The following ANKRD44 variants were observed in gnomAD, a reference collection of about 807,000 sequenced individuals.
ANKRD44 encodes ankyrin repeat domain 44, also known as serine/threonine-protein phosphatase 6 regulatory ankyrin repeat subunit B.
ANKRD44 carries 35 observed loss-of-function variants against 116.0 expected under a neutral mutation model. The observed-to-expected ratio is 0.30, with a 90% confidence interval of 0.23 to 0.40. The LOEUF (loss-of-function observed/expected upper bound fraction) is 0.40. Ranked by LOEUF, ANKRD44 falls within the 10% of genes least tolerant of loss-of-function variation. The pLI is 1.00. For synonymous variants in ANKRD44, 435 were observed against 461.8 expected, an observed-to-expected ratio of 0.94 and a Z score of 0.74; for missense variants, 1,014 against 1,242.6, an observed-to-expected ratio of 0.82 and a Z score of 2.77.
Position 197,186,632 on chromosome 2 carries a change from T to C in ANKRD44, c.111+391A>G, listed in dbSNP as rs867771222. Among the ~76,000 whole-genome samples, 88 of 119,190 alleles carry C rather than the reference T, an allele frequency of 7.4e-4. 2 individuals are homozygous for C. The highest frequency in any genetic ancestry group is 2.6e-3 in the African/African-American group (73 of 28,160). 78.2% of individuals were successfully genotyped at this position (119,190 alleles called of 152,430 possible). On this transcript the variant is annotated intron_variant, in intron 2 of 27. Coordinates refer to ENST00000282272, the MANE Select transcript of ANKRD44 (RefSeq NM_001195144.2). ...TTTTTCTTTTTTTTTTTTTTTTTTT[T>C]TTTTTTTTTTTTTTTAGAGACAGAG...
In ANKRD44 at chr2:197,099,926, A is replaced by C; in HGVS notation, c.990T>G (p.Gly330=). 1 of 1,613,756 alleles carries C rather than the reference A, an allele frequency of 6.2e-7. No individual in the cohort carries two copies. Among genetic ancestry groups the C allele is most frequent in the Non-Finnish European group, 8.5e-7 (1 of 1,179,844 alleles). ...TRSQTLIQNG[G]EIDCVDKDGN... is the part of the protein sequence containing the mutation. ...CGTCCTTATCCACACAGTCAATTTC[A>C]CCTCCTGAAAGAGATATTTTAATAC... Residue 330 remains glycine (G), a synonymous_variant, in exon 10 of 28, where the codon GGT becomes GGG. Coordinates refer to ENST00000282272, the MANE Select transcript of ANKRD44 (RefSeq NM_001195144.2).
chr2:196,969,750 T>C (rs547722353), intron 21 of ANKRD44, among the ~76,000 whole-genome samples: 1 of 152,352 alleles, frequency 6.6e-6, no homozygotes, highest in Non-Finnish European at 1.5e-5. Context: ...TTGGAATGCA[T>C]AAATAAGGAT....
intron 7 of ANKRD44, 92 bp downstream of exon 7, chr2:197,122,558 C>T: frequency 6.8e-7 from 1 of 1,481,408 alleles, no homozygotes; most frequent in Admixed American, 2.2e-5. Flanking sequence ...TTCCCCTGCC[C>T]TTGAATTAAA....
intron 17 of ANKRD44, among the ~76,000 whole-genome samples, chr2:197,024,345 C>A (rs2076550843): frequency 6.6e-6 from 1 of 152,236 alleles, no homozygotes; most frequent in African/African-American, 2.4e-5. Flanking sequence ...CAAACACCAT[C>A]TTTGTGGCCT....
In ANKRD44 at chr2:197,136,585, C is replaced by T. The variant is rs765461849; in HGVS notation, c.261+7G>A. 1 of 1,613,240 alleles carries T rather than the reference C, an allele frequency of 6.2e-7. No individual in the cohort carries two copies. Among genetic ancestry groups the T allele is most frequent in the South Asian group, 1.1e-5 (1 of 91,056 alleles). On this transcript the variant is annotated splice_region_variant and intron_variant, in intron 4 of 27. Transcript: ENST00000282272. The stretch of plus-strand genomic sequence containing the variant: ...TAGGTATTAGATTAAATATGGTAAT[C>T]ACTCACTTCACTTCTGGAAGCAACA...
At chr2:196,977,527 T>C (rs1258688595) in intron 21 of ANKRD44, among the ~76,000 whole-genome samples, 2 of 152,190 alleles carry the variant, frequency 1.3e-5, no homozygotes, top group Non-Finnish European at 2.9e-5. Flanking sequence ...GATTTAAAAA[T>C]GGGCAAAGGA....
chr2:197,190,702 A>G (rs975974241), intron 1 of ANKRD44, among the ~76,000 whole-genome samples: 1 of 152,216 alleles, frequency 6.6e-6, no homozygotes, highest in African/African-American at 2.4e-5. Flanking sequence ...TAAGGCAAAG[A>G]ATATTCTAAT....
intron 16 of ANKRD44, among the ~76,000 whole-genome samples, chr2:197,036,071 A>G (rs868003390): frequency 6.6e-6 from 1 of 152,266 alleles, no homozygotes. Flanking sequence ...TTCCACTCAC[A>G]TCCTTCACAG....
chr2:197,236,040 A>C (rs1437947823), intron 1 of ANKRD44, among the ~76,000 whole-genome samples: 1 of 152,212 alleles, frequency 6.6e-6, no homozygotes, highest in Non-Finnish European at 1.5e-5. Context: ...ACTTGATGGG[A>C]ACAGGACCAG....
intron 1 of ANKRD44, among the ~76,000 whole-genome samples, chr2:197,200,443 A>G (rs2081067595): frequency 1.3e-5 from 2 of 152,142 alleles, no homozygotes; most frequent in African/African-American, 4.8e-5. Context: ...GTCCTGAGTT[A>G]CAGCATTTCT....
chr2:197,216,844 G>C (rs1394091027), intron 1 of ANKRD44, among the ~76,000 whole-genome samples: 1 of 138,688 alleles, frequency 7.2e-6, no homozygotes, highest in African/African-American at 2.8e-5. Flanking sequence ...GCAGGGTCTG[G>C]CTTTGTCAGC....
chr2:197,168,121 C>T (rs1422816164), intron 2 of ANKRD44, among the ~76,000 whole-genome samples: 1 of 152,192 alleles, frequency 6.6e-6, no homozygotes, highest in Non-Finnish European at 1.5e-5. Context: ...CAGCATCAGC[C>T]ACCGGACATG....
intron 4 of ANKRD44, among the ~76,000 whole-genome samples, chr2:197,129,236 C>T (rs1275642617): frequency 1.3e-5 from 2 of 151,760 alleles, no homozygotes; most frequent in African/African-American, 2.4e-5. Context: ...TCAGTTCAAG[C>T]GATTCTCCTG....
intron 17 of ANKRD44, among the ~76,000 whole-genome samples, chr2:197,016,864 A>G (rs1198346809): frequency 6.6e-6 from 1 of 152,180 alleles, no homozygotes; most frequent in Non-Finnish European, 1.5e-5. Flanking sequence ...GTTTGAAAAA[A>G]GGCTCAGCAC....
At chr2:196,997,844 A>C (rs905847535) in intron 25 of ANKRD44, among the ~76,000 whole-genome samples, 1 of 151,948 alleles carries the variant, frequency 6.6e-6, no homozygotes, top group Non-Finnish European at 1.5e-5. Flanking sequence ...TGAACTGTAC[A>C]CCAGAAAAAA....
intron 4 of ANKRD44, 49 bp downstream of exon 4, chr2:197,136,543 T>TA: frequency 6.4e-7 from 1 of 1,555,806 alleles, no homozygotes; most frequent in Non-Finnish European, 8.9e-7. Flanking sequence ...CAAGACTTTT[T>TA]CTTTTTCTAG....
chr2:197,283,426 G>A (rs2083320826), intron 1 of ANKRD44, among the ~76,000 whole-genome samples: 1 of 152,082 alleles, frequency 6.6e-6, no homozygotes, highest in South Asian at 2.1e-4. Context: ...CTGCTCTACT[G>A]AAATCTCAGT....
intron 9 of ANKRD44, among the ~76,000 whole-genome samples, chr2:197,108,361 T>C (rs2078483559): frequency 6.6e-6 from 1 of 152,252 alleles, no homozygotes; most frequent in Non-Finnish European, 1.5e-5. Context: ...CACTTAGCTT[T>C]ATCATTATAT....
intron 17 of ANKRD44, among the ~76,000 whole-genome samples, chr2:197,014,548 G>C (rs1363664368): frequency 6.6e-6 from 1 of 152,066 alleles, no homozygotes; most frequent in Non-Finnish European, 1.5e-5. Context: ...AGCACTTTGG[G>C]AGGCCGAGAC....
Sources: allele counts gnomAD v4.1 joint callset (sites outside exome capture counted in the v4.1 genomes callset), GRCh38; gene constraint gnomAD v4.1.1; transcripts MANE v1.5; gene names NCBI Gene and HGNC (gene_info 2026-07-23, HGNC 2026-07-21).